Variants in SLIT3 observed in about 807,000 individuals in gnomAD.
SLIT3 encodes the protein slit guidance ligand 3, also known as slit homolog 3 protein.
SLIT3 carries 68 observed loss-of-function variants against 184.0 expected under a neutral mutation model. The observed-to-expected ratio is 0.37, with a 90% confidence interval of 0.30 to 0.45. The LOEUF (loss-of-function observed/expected upper bound fraction) is 0.45, where lower values mean the gene tolerates loss of function less well. Ranked by LOEUF, SLIT3 falls within the 20% of genes least tolerant of loss-of-function variation. The probability of loss-of-function intolerance (pLI) is 1.00; values close to 1 mark genes in which losing one functional copy is unlikely to be tolerated. For missense variants in SLIT3, 1,707 were observed against 2,026.0 expected (o/e 0.84, Z 3.02); for synonymous variants, 831 against 828.6 (o/e 1.00, Z -0.05).
chr5:168,921,177 C>T (rs374205435), intron 4 of SLIT3, among the ~76,000 whole-genome samples: 5 of 152,338 alleles, frequency 3.3e-5, no homozygotes, highest in Non-Finnish European at 7.3e-5. Flanking sequence ...CTTCTCCACA[C>T]ATGATCCTGC....
intron 6 of SLIT3, among the ~76,000 whole-genome samples, chr5:168,843,656 C>T (rs560640511): frequency 6.6e-6 from 1 of 152,366 alleles, no homozygotes; most frequent in South Asian, 2.1e-4. Context: ...AATCCGGACT[C>T]AACCACACGT....
intron 6 of SLIT3, among the ~76,000 whole-genome samples, chr5:168,842,762 G>A (rs1758313753): frequency 6.6e-6 from 1 of 152,180 alleles, no homozygotes; most frequent in Non-Finnish European, 1.5e-5. Context: ...ACCGTTCCTA[G>A]CACAGAGAAT....
intron 4 of SLIT3, among the ~76,000 whole-genome samples, chr5:169,039,780 T>C (rs1316888561): frequency 2.0e-5 from 3 of 152,150 alleles, no homozygotes; most frequent in African/African-American, 7.2e-5. Flanking sequence ...ATCAAACGAC[T>C]CCTTATCACG....
chr5:168,882,966 A>G (rs1467654457), intron 5 of SLIT3, among the ~76,000 whole-genome samples: 1 of 152,216 alleles, frequency 6.6e-6, no homozygotes, highest in African/African-American at 2.4e-5. Context: ...ATTTTACAGA[A>G]GATGATAATG....
chr5:169,160,294 T>G (rs1023574386), intron 4 of SLIT3, among the ~76,000 whole-genome samples: 2 of 152,228 alleles, frequency 1.3e-5, no homozygotes, highest in African/African-American at 2.4e-5. Context: ...TCAGAGAAGT[T>G]AAGTGACTTG....
intron 31 of SLIT3, among the ~76,000 whole-genome samples, chr5:168,684,962 T>C (rs1421521604): frequency 1.3e-5 from 2 of 152,066 alleles, no homozygotes; most frequent in Non-Finnish European, 2.9e-5. Flanking sequence ...TATTTATTTA[T>C]TCTTTTGAGA....
intron 23 of SLIT3, chr5:168,712,699 A>G (rs1762596069): frequency 4.3e-6 from 1 of 231,076 alleles, no homozygotes; most frequent in Non-Finnish European, 8.6e-6. Context: ...GAAGAGACCC[A>G]AGGGAGTTAC....
intron 5 of SLIT3, among the ~76,000 whole-genome samples, chr5:168,857,612 C>T (rs1420744358): frequency 6.6e-6 from 1 of 152,102 alleles, no homozygotes; most frequent in Non-Finnish European, 1.5e-5. Context: ...TCCCTGAGTC[C>T]TCACATGAAG....
chr5:168,675,703 T>TA lies in SLIT3; in HGVS notation c.3687-2373dup, dbSNP rs553206382. On this transcript the variant is annotated intron_variant, in intron 32 of 35. Transcript: ENST00000519560. ...GAAACATAGCACGACCCCTATTTCT[T>TA]AAAAAACAACAACAACAAAAGAGCG... 2.4e-3 allele frequency among the ~76,000 whole-genome samples: 368 copies of TA among 152,230 alleles called. 2 individuals carry two copies. Among genetic ancestry groups the TA allele is most frequent in the African/African-American group, 8.0e-3 (331 of 41,538 alleles).
chr5:169,054,207 G>C (rs1277807493), intron 4 of SLIT3, among the ~76,000 whole-genome samples: 1 of 138,290 alleles, frequency 7.2e-6, no homozygotes, highest in Middle Eastern at 3.8e-3. Context: ...CATATGAAGA[G>C]AGAGACACTA....
rs141063974 is a variant in SLIT3 at position 168,817,412 on chromosome 5, C to T, written c.681G>A (p.Ser227=). 74 of 1,614,182 alleles carry T rather than the reference C, an allele frequency of 4.6e-5. No homozygotes were observed. Among genetic ancestry groups the T allele is most frequent in the African/African-American group, 2.0e-4 (15 of 75,040 alleles). ...LYCDCHLAWL[S]DWLRQRRTVG... ...CTGTCCGTCGCTGTCGCAGCCAATCCGAGAGCCAGGCCAGGTGGCAGTCGC... is the reference window on the plus strand; with the variant it reads ...CTGTCCGTCGCTGTCGCAGCCAATCTGAGAGCCAGGCCAGGTGGCAGTCGC... Residue 227 remains serine, a synonymous_variant, in exon 8 of 36, where the codon TCG becomes TCA. Transcript: ENST00000519560.
At chr5:169,071,758 T>G (rs1368952780) in intron 4 of SLIT3, among the ~76,000 whole-genome samples, 1 of 152,214 alleles carries the variant, frequency 6.6e-6, no homozygotes, top group East Asian at 1.9e-4. Context: ...TGTTCTTGAG[T>G]TACCACAATG....
intron 4 of SLIT3, among the ~76,000 whole-genome samples, chr5:169,177,459 G>C (rs1047444298): frequency 1.1e-4 from 16 of 152,134 alleles, no homozygotes; most frequent in Admixed American, 9.2e-4. Context: ...TGGGAGGGGA[G>C]GGCTACCATC....
intron 1 of SLIT3, among the ~76,000 whole-genome samples, chr5:169,257,341 C>T (rs974935896): frequency 6.6e-6 from 1 of 151,626 alleles, no homozygotes; most frequent in Non-Finnish European, 1.5e-5. Flanking sequence ...ACAGAGGCCT[C>T]TCCTCCTTTG....
intron 31 of SLIT3, among the ~76,000 whole-genome samples, chr5:168,685,051 A>C (rs924523185): frequency 3.3e-5 from 5 of 152,164 alleles, no homozygotes; most frequent in African/African-American, 1.2e-4. Context: ...CCCAGGTTCA[A>C]GCGATTCTCA....
chr5:168,998,603 C>T (rs1234299734), intron 4 of SLIT3, among the ~76,000 whole-genome samples: 1 of 152,006 alleles, frequency 6.6e-6, no homozygotes. Flanking sequence ...ACTCAGGAGG[C>T]CGAGGCAGGA....
At chr5:168,686,007 C>G (rs1246163030) in intron 30 of SLIT3, 80 bp from the exon 31 acceptor site, 1 of 1,463,392 alleles carries the variant, frequency 6.8e-7, no homozygotes, top group Non-Finnish European at 9.1e-7. Flanking sequence ...GCCAAAGAAC[C>G]TCGAGCAGAG....
At chr5:168,667,339 A>C (rs1761089321) in intron 35 of SLIT3, among the ~76,000 whole-genome samples, 1 of 152,260 alleles carries the variant, frequency 6.6e-6, no homozygotes. Flanking sequence ...ATGTTCATAC[A>C]AGAACATACA....
chr5:168,825,130 G>T (rs1757657647), intron 6 of SLIT3, among the ~76,000 whole-genome samples: 1 of 152,152 alleles, frequency 6.6e-6, no homozygotes, highest in African/African-American at 2.4e-5. Context: ...CTGGTAAAAG[G>T]CTTAGCATGG....
Sources: gnomAD v4.1 joint callset for allele counts (sites outside exome capture counted in the v4.1 genomes callset) on GRCh38, gnomAD v4.1.1 for gene constraint, MANE v1.5 for transcripts, NCBI Gene and HGNC (gene_info 2026-07-23, HGNC 2026-07-21) for gene names.